The following CFAP58 variants were observed in gnomAD, a reference collection of about 807,000 sequenced individuals.
CFAP58 encodes cilia- and flagella-associated protein 58.
In CFAP58, 88 loss-of-function variants were observed where a neutral mutation model predicts 119.5. The ratio of observed to expected loss-of-function variants is 0.74; its 90% CI spans 0.62 to 0.88. CFAP58 has a LOEUF of 0.88. Among genes scored for constraint, CFAP58 ranks in the 40% least tolerant of loss-of-function variants. The pLI, the probability that CFAP58 is intolerant of heterozygous loss-of-function variation, is 0.00. For synonymous variants in CFAP58, 365 were observed against 366.3 expected (o/e 1.00, Z 0.04); for missense variants, 990 against 1,021.2 (o/e 0.97, Z 0.42).
chr10:104,388,606 A>G (rs2011971268), intron 9 of CFAP58, among the ~76,000 whole-genome samples: 1 of 152,244 alleles, frequency 6.6e-6, no homozygotes, highest in East Asian at 1.9e-4. Flanking sequence ...AAGCATTGTC[A>G]GCATTCAAAC....
At chr10:104,356,975 A>C (rs1477571972) in intron 1 of CFAP58, among the ~76,000 whole-genome samples, 2 of 152,216 alleles carry the variant, frequency 1.3e-5, no homozygotes, top group Non-Finnish European at 2.9e-5. Context: ...GTTGTAGCTA[A>C]CAAGAAGTAG....
chr10:104,362,334 A>G (rs1301002968), intron 3 of CFAP58, among the ~76,000 whole-genome samples, 163 bp downstream of exon 3: 1 of 152,178 alleles, frequency 6.6e-6, no homozygotes, highest in Non-Finnish European at 1.5e-5. Context: ...CATTTTAAGT[A>G]ATGTTCTTTT....
At chr10:104,440,782 C>A (rs1339075761) in intron 15 of CFAP58, among the ~76,000 whole-genome samples, 2 of 152,128 alleles carry the variant, frequency 1.3e-5, no homozygotes, top group Non-Finnish European at 2.9e-5. Context: ...TTCAGATCCA[C>A]AAATACAAAT....
the CFAP58 span, among the ~76,000 whole-genome samples, chr10:104,346,221 A>T: frequency 6.6e-6 from 1 of 152,030 alleles, no homozygotes; most frequent in Admixed American, 6.6e-5. Flanking sequence ...TTACCTCTGC[A>T]CCAAGCCATT....
intron 15 of CFAP58, among the ~76,000 whole-genome samples, chr10:104,409,533 T>C (rs534089404): frequency 6.6e-6 from 1 of 152,350 alleles, no homozygotes; most frequent in Admixed American, 6.5e-5. Context: ...TGTCCACATC[T>C]GTACTTTTCC....
chr10:104,435,032 G>T (rs935221829), intron 15 of CFAP58, among the ~76,000 whole-genome samples: 6 of 152,218 alleles, frequency 3.9e-5, no homozygotes, highest in African/African-American at 1.4e-4. Flanking sequence ...TATAATAGTT[G>T]GTTAGTAAAT....
Position 104,364,882 on chromosome 10 carries a change from T to G in CFAP58, c.590T>G (p.Ile197Ser). Residue 197 changes from isoleucine to serine, a missense_variant, in exon 4 of 18, where the codon ATC becomes AGC. Coordinates refer to ENST00000369704, the MANE Select transcript of CFAP58 (RefSeq NM_001008723.2). Reference sequence around the variant, plus strand: ...TCAAAAGAGGAGGCTGAACATGCCATCAGTCAGGTCTGCCATGGAGGGCAA... The same window carrying G: ...TCAAAAGAGGAGGCTGAACATGCCAGCAGTCAGGTCTGCCATGGAGGGCAA... ...ERSKEEAEHAISQFQQEIQQR... is the reference protein window; with the variant it reads ...ERSKEEAEHASSQFQQEIQQR... 2.5e-6 allele frequency: 4 copies of G among 1,611,568 alleles called. No individual in the cohort carries two copies. The highest frequency in any genetic ancestry group is 3.4e-6 in the Non-Finnish European group (4 of 1,178,958).
chr10:104,401,275 T>A (rs2012260728), intron 13 of CFAP58, among the ~76,000 whole-genome samples: 1 of 152,228 alleles, frequency 6.6e-6, no homozygotes, highest in Non-Finnish European at 1.5e-5. Context: ...AGAGGGAGCA[T>A]CAATATTGAA....
Position 104,432,796 on chromosome 10 carries a change from C to T in CFAP58, c.2257-14902C>T, listed in dbSNP as rs142142599. The stretch of plus-strand genomic sequence containing the variant: ...GATTACAGGCGTGAGCCACCGCGCC[C>T]GGCCAGTAGGCACTTTTATATACTG... On this transcript the variant is annotated intron_variant, in intron 15 of 17. Coordinates refer to ENST00000369704, the MANE Select transcript of CFAP58 (RefSeq NM_001008723.2). Among the ~76,000 whole-genome samples the T allele has an allele frequency of 3.2e-4, 48 of 152,246 alleles. No individual in the cohort carries two copies. The East Asian group carries it at 7.1e-3, about 23-fold the overall frequency.
intron 15 of CFAP58, among the ~76,000 whole-genome samples, chr10:104,442,043 G>A (rs1482825396): frequency 1.3e-5 from 2 of 152,148 alleles, no homozygotes. Context: ...ATTAGGCCGT[G>A]TTCTAGAGTT....
intron 15 of CFAP58, among the ~76,000 whole-genome samples, chr10:104,439,872 T>G (rs574115870): frequency 1.2e-4 from 18 of 152,284 alleles, no homozygotes; most frequent in African/African-American, 4.3e-4. Context: ...CAGGCTGGAG[T>G]GCAGTGGCGC....
At chr10:104,440,358 A>G (rs2013018091) in intron 15 of CFAP58, among the ~76,000 whole-genome samples, 1 of 151,946 alleles carries the variant, frequency 6.6e-6, no homozygotes. Flanking sequence ...TAAAAAAACC[A>G]CATGAATGTG....
chr10:104,404,966 T>C (rs2012335014), intron 14 of CFAP58, among the ~76,000 whole-genome samples: 1 of 152,206 alleles, frequency 6.6e-6, no homozygotes, highest in Non-Finnish European at 1.5e-5. Context: ...TAGGGACCTG[T>C]AAGAGAGGAA....
intron 9 of CFAP58, among the ~76,000 whole-genome samples, chr10:104,391,481 AT>A (rs2012039104): frequency 6.6e-6 from 1 of 151,980 alleles, no homozygotes; most frequent in South Asian, 2.1e-4. Flanking sequence ...CTTCATGAAA[AT>A]TTTTCTTCTT....
At chr10:104,357,939 ATATG>A (rs1426958092) in intron 1 of CFAP58, among the ~76,000 whole-genome samples, 1 of 120,984 alleles carries the variant, frequency 8.3e-6, no homozygotes, top group Non-Finnish European at 1.6e-5. Context: ...ATACACACAT[ATATG>A]TACACATATA....
intron 7 of CFAP58, 127 bp downstream of exon 7, chr10:104,371,181 A>C: frequency 6.2e-6 from 5 of 803,850 alleles, no homozygotes; most frequent in Non-Finnish European, 5.6e-6. Context: ...CAACACTCAC[A>C]CTGGTAAACA....
At chr10:104,373,509 G>A (rs566317143) in intron 7 of CFAP58, among the ~76,000 whole-genome samples, 14 of 152,116 alleles carry the variant, frequency 9.2e-5, no homozygotes, top group East Asian at 5.8e-4. Flanking sequence ...ATGCTCCTGC[G>A]CACCTGTAGT....
chr10:104,371,197 T>G, intron 7 of CFAP58, 143 bp downstream of exon 7: 9 of 606,786 alleles, frequency 1.5e-5, no homozygotes, highest in Non-Finnish European at 7.7e-6. Flanking sequence ...AAACAGTCAA[T>G]ATGGGGTGGG....
chr10:104,452,101 A>T (rs968648081), intron 17 of CFAP58, among the ~76,000 whole-genome samples: 2 of 152,262 alleles, frequency 1.3e-5, no homozygotes, highest in Middle Eastern at 6.8e-3. Flanking sequence ...TAAATAATTT[A>T]AAAATTTCAG....
Sources: allele counts gnomAD v4.1 joint callset (sites outside exome capture counted in the v4.1 genomes callset), GRCh38; gene constraint gnomAD v4.1.1; transcripts MANE v1.5; gene names NCBI Gene and HGNC (gene_info 2026-07-23, HGNC 2026-07-21).